RABGEF1: variants seen among roughly 807,000 people sequenced by gnomAD.
The protein encoded by RABGEF1 is rab5 GDP/GTP exchange factor.
A neutral mutation model predicts 57.3 loss-of-function variants in RABGEF1; 26 were observed. The observed-to-expected ratio is 0.45, with a 90% CI of 0.33 to 0.63. The LOEUF is 0.63. Among genes scored for constraint, RABGEF1 ranks in the 20% least tolerant of loss-of-function variants. The pLI is 0.02. For synonymous variants in RABGEF1, 185 were observed against 210.7 expected, an observed-to-expected ratio of 0.88 and a Z score of 1.06; for missense variants, 464 against 607.6, an observed-to-expected ratio of 0.76 and a Z score of 2.48.
At chr7:66,688,362 G>GACCA (rs1477140570) in intron 1 of RABGEF1, among the ~76,000 whole-genome samples, 2 of 152,116 alleles carry the variant, frequency 1.3e-5, no homozygotes, top group African/African-American at 4.8e-5. Flanking sequence ...AACAATCAGA[G>GACCA]ACCAGATCAA....
At chr7:66,779,876 GA>G (rs1809468648) in intron 3 of RABGEF1, among the ~76,000 whole-genome samples, 1 of 151,936 alleles carries the variant, frequency 6.6e-6, no homozygotes, top group African/African-American at 2.4e-5. Flanking sequence ...CCTGCATACC[GA>G]ACACCTGAGC....
chr7:66,682,467 C>T (rs547646300), intron 1 of RABGEF1, among the ~76,000 whole-genome samples: 19 of 152,374 alleles, frequency 1.2e-4, no homozygotes, highest in African/African-American at 4.6e-4. Context: ...CAGTGCGCGG[C>T]CTCTCCGTCC....
intron 4 of RABGEF1, among the ~76,000 whole-genome samples, chr7:66,795,087 G>C (rs1488783452): frequency 2.0e-5 from 3 of 152,170 alleles, no homozygotes; most frequent in Non-Finnish European, 4.4e-5. Flanking sequence ...TGCACCATTT[G>C]TAGCAGGGAG....
At chr7:66,767,000 CT>C (rs34123866) in intron 1 of RABGEF1, among the ~76,000 whole-genome samples, 36,610 of 102,478 alleles carry the variant, frequency 0.36, 4,362 homozygotes, top group South Asian at 0.45. Flanking sequence ...TGTCAAGTTT[CT>C]TTTTTTTTTT....
chr7:66,757,136 TACA>T (rs1802922625), intron 1 of RABGEF1, among the ~76,000 whole-genome samples: 1 of 152,252 alleles, frequency 6.6e-6, no homozygotes, highest in Admixed American at 6.5e-5. Context: ...TTGACACTGT[TACA>T]ACATTTATTT....
chr7:66,672,102 C>T, the RABGEF1 span, among the ~76,000 whole-genome samples: 93 of 151,584 alleles, frequency 6.1e-4, 1 homozygote, highest in South Asian at 0.012. Flanking sequence ...AGGCTGTGTC[C>T]GGCTGAGACT....
the RABGEF1 span, among the ~76,000 whole-genome samples, chr7:66,658,307 C>T: frequency 8.6e-5 from 13 of 152,030 alleles, no homozygotes; most frequent in African/African-American, 1.4e-4. Flanking sequence ...CCAAGGTAGG[C>T]GGATCACCTG....
intron 3 of RABGEF1, among the ~76,000 whole-genome samples, chr7:66,779,628 T>C (rs1391680772): frequency 6.7e-6 from 1 of 149,816 alleles, no homozygotes; most frequent in African/African-American, 2.5e-5. Context: ...GCTGTGATCA[T>C]GCAACCGTAC....
intron 1 of RABGEF1, among the ~76,000 whole-genome samples, chr7:66,741,498 G>A (rs1485372810): frequency 1.3e-5 from 2 of 152,152 alleles, no homozygotes; most frequent in Non-Finnish European, 2.9e-5. Flanking sequence ...TGGAGGCTAG[G>A]TCATAGGCAG....
the RABGEF1 span, among the ~76,000 whole-genome samples, chr7:66,658,508 G>A: frequency 6.6e-6 from 1 of 150,832 alleles, no homozygotes; most frequent in African/African-American, 2.4e-5. Flanking sequence ...CTCCAGCCTG[G>A]GGGACAAGAG....
intron 2 of RABGEF1, among the ~76,000 whole-genome samples, chr7:66,712,741 G>A (rs1395429119): frequency 6.6e-6 from 1 of 152,154 alleles, no homozygotes; most frequent in African/African-American, 2.4e-5. Flanking sequence ...CCAAAGTGCT[G>A]GGATTATAGG....
intron 2 of RABGEF1, among the ~76,000 whole-genome samples, chr7:66,724,112 A>G (rs1330936786): frequency 6.6e-6 from 1 of 151,806 alleles, no homozygotes; most frequent in African/African-American, 2.4e-5. Context: ...GAGAGAGGCT[A>G]TTTTAATTGA....
intron 1 of RABGEF1, among the ~76,000 whole-genome samples, chr7:66,686,780 G>A (rs1790698681): frequency 6.6e-6 from 1 of 151,828 alleles, no homozygotes; most frequent in Non-Finnish European, 1.5e-5. Context: ...ACTGTCAGTG[G>A]GATAGGAAGT....
At chr7:66,790,959 T>C (rs894836557) in intron 4 of RABGEF1, among the ~76,000 whole-genome samples, 2 of 152,254 alleles carry the variant, frequency 1.3e-5, no homozygotes, top group East Asian at 3.8e-4. Flanking sequence ...TTTTTGGCAA[T>C]CTGGACCCTT....
rs1416096130 is a variant in RABGEF1 at position 66,755,886 on chromosome 7, G to C, written c.-18+15094G>C. The C allele has an allele frequency of 7.8e-6, 4 of 514,626 alleles. No individual in the cohort carries two copies. In the East Asian group the frequency reaches 1.3e-4, roughly 17 times the overall value. The allele number at this position is 514,626 out of a possible 1,614,324, so 31.9% of individuals were successfully genotyped here. On this transcript the variant is annotated intron_variant, in intron 1 of 8. Transcript: ENST00000284957. ...ATTCCAGGGAGTTGATTATCATTTG[G>C]AATTATTTGTCCAAGCTAACGTTTG...
chr7:66,732,610 A>T (rs1797450627), intron 2 of RABGEF1, among the ~76,000 whole-genome samples: 1 of 152,120 alleles, frequency 6.6e-6, no homozygotes, highest in African/African-American at 2.4e-5. Flanking sequence ...GAGTCCAGGC[A>T]GCCCTCTATA....
At chr7:66,701,378 A>G (rs867829321) in intron 1 of RABGEF1, among the ~76,000 whole-genome samples, 8 of 152,198 alleles carry the variant, frequency 5.3e-5, no homozygotes, top group Middle Eastern at 6.8e-3. Flanking sequence ...GGCGCACACC[A>G]GTAGCCCCAG....
At chr7:66,704,473 T>C (rs1793719344) in intron 1 of RABGEF1, among the ~76,000 whole-genome samples, 1 of 152,172 alleles carries the variant, frequency 6.6e-6, no homozygotes, top group African/African-American at 2.4e-5. Flanking sequence ...GGTTGTATCA[T>C]TTTACATTCC....
the RABGEF1 span, among the ~76,000 whole-genome samples, chr7:66,674,192 CTTTT>C: frequency 1.4e-5 from 2 of 139,320 alleles, no homozygotes; most frequent in Non-Finnish European, 3.1e-5. Flanking sequence ...CCACTAAAGG[CTTTT>C]TTTTTTTTTT....
Sources: gnomAD v4.1 joint callset for allele counts (sites outside exome capture counted in the v4.1 genomes callset) on GRCh38, gnomAD v4.1.1 for gene constraint, MANE v1.5 for transcripts, NCBI Gene and HGNC (gene_info 2026-07-23, HGNC 2026-07-21) for gene names.